The following MUC5B variants were observed in gnomAD, a reference collection of about 807,000 sequenced individuals.
MUC5B encodes mucin 5B, oligomeric mucus/gel-forming.
Under a neutral mutation model 376.9 loss-of-function variants are expected in MUC5B, and 116 were observed. That is an observed-to-expected ratio of 0.31 (90% CI 0.26 to 0.36). The LOEUF (loss-of-function observed/expected upper bound fraction) is 0.36, where lower values mean the gene tolerates loss of function less well. Among genes scored for constraint, MUC5B ranks in the 10% least tolerant of loss-of-function variants. The pLI, the probability that MUC5B is intolerant of heterozygous loss-of-function variation, is 1.00. For synonymous variants in MUC5B, 3,517 were observed against 3,390.9 expected (o/e 1.04, Z -1.29); for missense variants, 7,165 against 7,769.9 (o/e 0.92, Z 2.93).
Position 1,233,232 on chromosome 11 carries a change from C to T in MUC5B, c.2285C>T (p.Ala762Val), listed in dbSNP as rs777498144. 1.3e-6 allele frequency: 2 copies of T among 1,590,766 alleles called. No homozygotes were observed. The highest frequency in any genetic ancestry group is 2.2e-5 in the South Asian group (2 of 88,954). ...CPCYAHGTVL[A>V]PGEVVHDEGA... ...TGCTACGCTCACGGCACCGTGCTGG[C>T]TCCTGGAGAGGTGGTGCACGACGAG... Residue 762 changes from alanine to valine, a missense_variant, in exon 18 of 49, where the codon GCT becomes GTT. Transcript: ENST00000529681.
In MUC5B at chr11:1,250,369, C is replaced by A. The variant is rs368457802; in HGVS notation, c.13489C>A (p.Pro4497Thr). ...TPTVTSSKAT[P>T]SSSPGTATAL... ...CACAGTCACCAGCTCCAAAGCCACT[C>A]CCTCCTCCAGTCCAGGGACTGCAAC... Residue 4497 changes from proline to threonine, a missense_variant, in exon 31 of 49, where the codon CCC (proline) becomes ACC (threonine). Around this residue, in one of 31 missense-constraint regions of MUC5B, gnomAD observed 431 missense variants for 390.4 expected, o/e 1.10. Transcript: ENST00000529681. The A allele has an allele frequency of 6.3e-5, 102 of 1,613,304 alleles. 1 individual carries two copies. The highest frequency in any genetic ancestry group is 7.7e-5 in the Non-Finnish European group (91 of 1,179,664).
chr11:1,260,513 CGGT>C, intron 47 of MUC5B, 110 bp from the exon 48 acceptor site: 1 of 1,466,110 alleles, frequency 6.8e-7, no homozygotes, highest in Non-Finnish European at 9.5e-7. Context: ...ACTCCACCCT[CGGT>C]CCTGGAGGGC....
In MUC5B at chr11:1,240,921, C is replaced by A; in HGVS notation, c.4041C>A (p.His1347Gln). 2 of 1,612,998 alleles carry A rather than the reference C, an allele frequency of 1.2e-6. No homozygotes were observed. Among genetic ancestry groups the A allele is most frequent in the Non-Finnish European group, 1.7e-6 (2 of 1,179,838 alleles). Reference sequence around the variant, plus strand: ...GCTGGTCCAGCTGGTACAATGGGCACCGCCCAGAGCCCGGCCTGGGAGGCG... The same window carrying A: ...GCTGGTCCAGCTGGTACAATGGGCAACGCCCAGAGCCCGGCCTGGGAGGCG... Reference protein sequence around the residue: ...VCRWSSWYNGHRPEPGLGGGD... With the variant: ...VCRWSSWYNGQRPEPGLGGGD... The change falls in exon 31 of 49, where the codon CAC becomes CAA. Residue 1347 changes from histidine (H) to glutamine (Q), a missense_variant. Physicochemically the swap from His to Gln is conservative, Grantham distance 24. Coordinates refer to ENST00000529681, the MANE Select transcript of MUC5B (RefSeq NM_002458.3).
rs1348837518 is a variant in MUC5B, at chr11:1,258,225, C to A, written c.16555+22C>A. ...TGCAGTGAGCGGGGCTGGGGCCGGG[C>A]TCCTGGGTGGCCTCTTGCTGGGGGT... On this transcript the variant is annotated intron_variant, in intron 42 of 48. Transcript: ENST00000529681. The surrounding 1 kb of genome is among the most constrained non-coding windows in gnomAD (Gnocchi z 5.5). 1 of 1,573,288 alleles carries A rather than the reference C, an allele frequency of 6.4e-7. No homozygotes were observed.
In MUC5B at chr11:1,250,966, C is replaced by T; in HGVS notation, c.14086C>T (p.Pro4696Ser). ...CACGGCCACCGGCTCCACCACCAACCCCTCCTCAACTCCAGGGACAACACC... is the reference window on the plus strand; with the variant it reads ...CACGGCCACCGGCTCCACCACCAACTCCTCCTCAACTCCAGGGACAACACC... ...TITATGSTTN[P>S]SSTPGTTPIT... Residue 4696 changes from proline to serine, a missense_variant, in exon 31 of 49, where the codon CCC becomes TCC. Pro to Ser is a moderately conservative substitution (Grantham distance 74). Transcript: ENST00000529681. 1.2e-6 allele frequency: 2 copies of T among 1,611,194 alleles called. No homozygotes were observed. Among genetic ancestry groups the T allele is most frequent in the East Asian group, 2.2e-5 (1 of 44,824 alleles).
rs1270299148 is a variant in MUC5B, at chr11:1,242,230, T to C, written c.5350T>C (p.Cys1784Arg). 2 of 1,613,808 alleles carry C rather than the reference T, an allele frequency of 1.2e-6. No individual in the cohort carries two copies. The highest frequency in any genetic ancestry group is 1.7e-6 in the Non-Finnish European group (2 of 1,179,876). Reference sequence around the variant, plus strand: ...CACCACCAGCCAGGGCACGACCCGCTGTCAACCGAAGTGTGAGTGGACAGA... The same window carrying C: ...CACCACCAGCCAGGGCACGACCCGCCGTCAACCGAAGTGTGAGTGGACAGA... ...NTTTSQGTTR[C>R]QPKCEWTEWF... The change falls in exon 31 of 49, where the codon TGT becomes CGT. Residue 1784 changes from cysteine to arginine, a missense_variant. This residue lies in a region of MUC5B where 897 missense variants were observed against 779.6 expected (regional missense o/e 1.15). Coordinates refer to ENST00000529681, the MANE Select transcript of MUC5B (RefSeq NM_002458.3).
intron 46 of MUC5B, 39 bp downstream of exon 46, chr11:1,260,124 G>T (rs1208467654): frequency 6.2e-7 from 1 of 1,605,418 alleles, no homozygotes. Context: ...GGGAGTCCTT[G>T]TCCATCAGGG....
rs201287218 is a variant in MUC5B, at chr11:1,252,415, T to C, written c.14936T>C (p.Ile4979Thr). The change falls in exon 32 of 49, where the codon ATT becomes ACT. Residue 4979 changes from isoleucine to threonine, a missense_variant. By Grantham distance (89) the Ile-to-Thr change is moderately conservative. Around this residue, in one of 31 missense-constraint regions of MUC5B, gnomAD observed 730 missense variants for 592.7 expected, o/e 1.23. Coordinates refer to ENST00000529681, the MANE Select transcript of MUC5B (RefSeq NM_002458.3). ...FYAVCNQHCD[I>T]DRFQGACPTS... ...GCAGTGTGCAATCAGCACTGTGACA[T>C]TGACCGCTTCCAGGGCGCCTGTCCC... 1.1e-4 allele frequency: 171 copies of C among 1,611,262 alleles called. No homozygotes were observed. The African/African-American group carries it at 1.6e-3, about 15-fold the overall frequency.
At chr11:1,229,503 G>C (rs1861972242) in intron 9 of MUC5B, among the ~76,000 whole-genome samples, 187 bp from the exon 10 acceptor site, 1 of 152,148 alleles carries the variant, frequency 6.6e-6, no homozygotes, top group Non-Finnish European at 1.5e-5. Flanking sequence ...AGCCAGCTGG[G>C]CATGGTGGGG....
intron 9 of MUC5B, 35 bp downstream of exon 9, chr11:1,229,330 T>G (rs773598305): frequency 1.3e-6 from 2 of 1,508,000 alleles, no homozygotes; most frequent in African/African-American, 1.4e-5. Context: ...CTCAGGGGGC[T>G]TTCAGGTCCC....
Position 1,258,005 on chromosome 11 carries a change from C to G in MUC5B, c.16451-94C>G, listed in dbSNP as rs1862889796. ...CCAGGGGCTGTGAAGCGGTCAGGTCCTCGGGGAAAAGCACGCCTGCGACTT... is the reference window on the plus strand; with the variant it reads ...CCAGGGGCTGTGAAGCGGTCAGGTCGTCGGGGAAAAGCACGCCTGCGACTT... On this transcript the variant is annotated intron_variant, in intron 41 of 48. Coordinates refer to ENST00000529681, the MANE Select transcript of MUC5B (RefSeq NM_002458.3). This position sits in a 1 kb window ranked among gnomAD's most constrained non-coding sequence, Gnocchi z 5.5. The G allele has an allele frequency of 3.1e-6, 4 of 1,300,140 alleles. No homozygotes were observed. The highest frequency in any genetic ancestry group is 4.1e-5 in the Admixed American group (2 of 48,442). The allele number at this position is 1,300,140 out of a possible 1,614,324, so 80.5% of individuals were successfully genotyped here. A position where few individuals can be genotyped will look rare whatever the true frequency, so the allele number is the denominator to read the frequency against.
Position 1,245,188 on chromosome 11 carries a change from G to A in MUC5B, c.8308G>A (p.Ala2770Thr). 6.3e-7 allele frequency: 1 copy of A among 1,588,146 alleles called. No individual in the cohort carries two copies. The highest frequency in any genetic ancestry group is 8.6e-7 in the Non-Finnish European group (1 of 1,167,248). ...CAGCAGTCCCCACACGGTGCGCACA[G>A]CCTGGACTTCGGCCACCTCAGGCAC... ...SPSSPHTVRT[A>T]WTSATSGTLG... The change falls in exon 31 of 49, where the codon GCC becomes ACC. Residue 2770 changes from alanine to threonine, a missense_variant. Transcript: ENST00000529681.
intron 5 of MUC5B, 60 bp from the exon 6 acceptor site, chr11:1,227,248 C>T (rs1861909702): frequency 1.9e-6 from 3 of 1,570,298 alleles, no homozygotes; most frequent in Non-Finnish European, 2.6e-6. Flanking sequence ...GGGCTTGGGG[C>T]ATGTTGCCAG....
rs1195699661 is a variant in MUC5B, at chr11:1,246,072, C to G, written c.9192C>G (p.Thr3064=). Residue 3064 remains threonine, a synonymous_variant, in exon 31 of 49, where the codon ACC becomes ACG. Transcript: ENST00000529681. Reference sequence around the variant, plus strand: ...GCACAGCCACCAAATCCACAGCTACCAGCTTTACACCCATCCCCTCCTTCA... The same window carrying G: ...GCACAGCCACCAAATCCACAGCTACGAGCTTTACACCCATCCCCTCCTTCA... ...LTSTATKSTA[T]SFTPIPSFTL... 6.2e-7 allele frequency: 1 copy of G among 1,613,252 alleles called. No individual in the cohort carries two copies. Among genetic ancestry groups the G allele is most frequent in the Non-Finnish European group, 8.5e-7 (1 of 1,179,686 alleles).
Position 1,248,201 on chromosome 11 carries a change from G to C in MUC5B, c.11321G>C (p.Gly3774Ala), listed in dbSNP as rs1263121759. ...SSKATPFSSP[G>A]TATALPALRS... ...AAAGCCACTCCCTTCTCCAGTCCAGGGACTGCAACCGCCCTTCCAGCACTG... is the reference window on the plus strand; with the variant it reads ...AAAGCCACTCCCTTCTCCAGTCCAGCGACTGCAACCGCCCTTCCAGCACTG... The change falls in exon 31 of 49, where the codon GGG becomes GCG. Residue 3774 changes from glycine (G) to alanine (A), a missense_variant. Physicochemically the swap from Gly to Ala is moderately conservative, Grantham distance 60. Coordinates refer to ENST00000529681, the MANE Select transcript of MUC5B (RefSeq NM_002458.3). The C allele has an allele frequency of 6.3e-7, 1 of 1,595,802 alleles. No individual in the cohort carries two copies. The highest frequency in any genetic ancestry group is 1.7e-5 in the Admixed American group (1 of 59,412).
Position 1,249,762 on chromosome 11 carries a change from C to G in MUC5B, c.12882C>G (p.Ser4294=), listed in dbSNP as rs773663086. Residue 4294 remains serine (S), a synonymous_variant, in exon 31 of 49, where the codon TCC becomes TCG. Coordinates refer to ENST00000529681, the MANE Select transcript of MUC5B (RefSeq NM_002458.3). ...SPATTPTATS[S]KATSSSSPRT... is the part of the protein sequence containing the mutation. ...CCACCACACCCACAGCCACCAGTTC[C>G]AAAGCCACTTCCTCCTCCAGTCCAA... 1.9e-6 allele frequency: 3 copies of G among 1,613,036 alleles called. No individual in the cohort carries two copies. The highest frequency in any genetic ancestry group is 2.5e-6 in the Non-Finnish European group (3 of 1,179,506).
At chr11:1,228,472 T>C (rs373592000) in intron 7 of MUC5B, 92 bp from the exon 8 acceptor site, 2 of 1,268,260 alleles carry the variant, frequency 1.6e-6, no homozygotes, top group East Asian at 5.3e-5. Flanking sequence ...GGAGAGGGCT[T>C]CCCGGCCTGG....
In MUC5B at chr11:1,242,613, C is replaced by A. The variant is rs1462156597; in HGVS notation, c.5733C>A (p.Thr1911=). ...CGACCTGGATCCTCACAAAGCCGAC[C>A]ACAACAGCCACTACGACTGCGTCCA... The part of the protein sequence containing the change: ...PGTTWILTKP[T]TTATTTASTG... Residue 1911 remains threonine (T), a synonymous_variant, in exon 31 of 49, where the codon ACC becomes ACA. Coordinates refer to ENST00000529681, the MANE Select transcript of MUC5B (RefSeq NM_002458.3). 3 of 1,613,804 alleles carry A rather than the reference C, an allele frequency of 1.9e-6. No individual in the cohort carries two copies. The highest frequency in any genetic ancestry group is 1.7e-5 in the Admixed American group (1 of 60,006).
intron 46 of MUC5B, 86 bp downstream of exon 46, chr11:1,260,171 G>C: frequency 1.4e-6 from 2 of 1,448,556 alleles, no homozygotes; most frequent in Admixed American, 4.0e-5. Context: ...TGCACAGCAG[G>C]GAGGCCCCAC....
Sources: gnomAD v4.1 joint callset for allele counts (sites outside exome capture counted in the v4.1 genomes callset) on GRCh38, gnomAD v4.1.1 for gene constraint, gnomAD v4.1.1 regional missense constraint, Gnocchi (gnomAD v3.1) non-coding constraint, MANE v1.5 for transcripts, NCBI Gene and HGNC (gene_info 2026-07-23, HGNC 2026-07-21) for gene names.